The following SNAP91 variants were observed in gnomAD, a reference collection of about 807,000 sequenced individuals.
SNAP91 encodes synaptosome associated protein 91.
In SNAP91, 27 loss-of-function variants were observed where a neutral mutation model predicts 100.3. The ratio of observed to expected loss-of-function variants is 0.27; its 90% CI spans 0.20 to 0.37. The LOEUF (loss-of-function observed/expected upper bound fraction) is 0.37. Ranked by LOEUF, SNAP91 falls within the 10% of genes least tolerant of loss-of-function variation. The probability of loss-of-function intolerance (pLI) is 1.00; values close to 1 mark genes in which losing one functional copy is unlikely to be tolerated. For missense variants in SNAP91, 986 were observed against 1,123.7 expected (o/e 0.88, Z 1.75); for synonymous variants, 404 against 398.6 (o/e 1.01, Z -0.16).
intron 11 of SNAP91, among the ~76,000 whole-genome samples, chr6:83,611,284 G>T (rs1243464111): frequency 3.9e-5 from 6 of 152,050 alleles, no homozygotes; most frequent in African/African-American, 1.2e-4. Context: ...TAATTAGTGG[G>T]AGCTAGGAAA....
chr6:83,594,333 G>C lies in SNAP91; in HGVS notation c.1432+41C>G, dbSNP rs369782392. ...TTCTAACTACGGGGGTTTTACATTA[G>C]GACAGAAGAATAACAGACTGGCTAA... On this transcript the variant is annotated intron_variant, in intron 17 of 29. Coordinates refer to ENST00000369694, the MANE Select transcript of SNAP91 (RefSeq NM_001242792.2). The C allele has an allele frequency of 3.0e-5, 44 of 1,469,002 alleles. No homozygotes were observed. In the African/African-American group the frequency reaches 5.7e-4, roughly 19 times the overall value. 91.0% of individuals were successfully genotyped at this position (1,469,002 alleles called of 1,614,324 possible).
intron 2 of SNAP91, among the ~76,000 whole-genome samples, chr6:83,666,199 T>C (rs898855342): frequency 2.6e-5 from 4 of 152,110 alleles, no homozygotes; most frequent in African/African-American, 9.7e-5. Flanking sequence ...ACCTTTATAA[T>C]ACATTCACTG....
At chr6:83,645,447 T>C (rs113863851) in intron 7 of SNAP91, among the ~76,000 whole-genome samples, 190 of 152,106 alleles carry the variant, frequency 1.2e-3, no homozygotes, top group Non-Finnish European at 2.2e-3. Flanking sequence ...CCCAAGTCCA[T>C]AGCATACATT....
intron 22 of SNAP91, among the ~76,000 whole-genome samples, chr6:83,586,512 T>C (rs1473817656): frequency 6.6e-6 from 1 of 152,188 alleles, no homozygotes; most frequent in East Asian, 1.9e-4. Flanking sequence ...ACCTCAGATG[T>C]TAGGCATATT....
chr6:83,576,977 C>T (rs539530538), intron 24 of SNAP91, among the ~76,000 whole-genome samples: 6 of 152,218 alleles, frequency 3.9e-5, no homozygotes, highest in African/African-American at 1.4e-4. Flanking sequence ...TGGTGTCAGA[C>T]AGATGACAAA....
intron 8 of SNAP91, among the ~76,000 whole-genome samples, chr6:83,630,741 G>C (rs984306564): frequency 1.3e-5 from 2 of 150,114 alleles, no homozygotes; most frequent in Non-Finnish European, 3.0e-5. Context: ...TTCCTTTCTT[G>C]GTTAGTCTTG....
At chr6:83,645,145 G>A (rs952614894) in intron 7 of SNAP91, among the ~76,000 whole-genome samples, 6 of 152,092 alleles carry the variant, frequency 3.9e-5, no homozygotes, top group Non-Finnish European at 7.4e-5. Context: ...AGATATTCTT[G>A]AGGAAAGTCC....
rs545115005 is a variant in SNAP91, at chr6:83,689,065, C to A, written c.130+18733G>T. On this transcript the variant is annotated intron_variant, in intron 2 of 29. Coordinates refer to ENST00000369694, the MANE Select transcript of SNAP91 (RefSeq NM_001242792.2). The stretch of plus-strand genomic sequence containing the variant: ...CTTAGAAGTAGCAAGGGTGTCTATG[C>A]TCTAAGATCTTTCGCCATCAGGTGT... Among the ~76,000 whole-genome samples, 17 of 152,278 alleles carry A rather than the reference C, an allele frequency of 1.1e-4. No homozygotes were observed. In the South Asian group the frequency reaches 1.9e-3, roughly 17 times the overall value.
chr6:83,660,216 C>A (rs1386021869), intron 5 of SNAP91, among the ~76,000 whole-genome samples: 1 of 152,118 alleles, frequency 6.6e-6, no homozygotes, highest in Non-Finnish European at 1.5e-5. Flanking sequence ...CAGCTGGGAA[C>A]ATCAGCAATG....
intron 26 of SNAP91, among the ~76,000 whole-genome samples, chr6:83,563,975 C>CT (rs1010166884): frequency 2.6e-5 from 4 of 151,788 alleles, no homozygotes; most frequent in East Asian, 1.9e-4. Context: ...ATTTCAACCA[C>CT]TTTTTTTTGG....
In SNAP91 at chr6:83,619,631, T is replaced by C. The variant is rs138898873; in HGVS notation, c.808-2592A>G. ...CAACATATGGTTACCGATTCATCAG[T>C]TGTATGGTCTTTAAAAGGAGACCCT... On this transcript the variant is annotated intron_variant, in intron 9 of 29. Transcript: ENST00000369694. 2.7e-4 allele frequency among the ~76,000 whole-genome samples: 41 copies of C among 152,374 alleles called. No individual in the cohort carries two copies. In the East Asian group the frequency reaches 6.6e-3, roughly 24 times the overall value.
At chr6:83,621,748 A>T (rs1445445066) in intron 9 of SNAP91, among the ~76,000 whole-genome samples, 1 of 152,130 alleles carries the variant, frequency 6.6e-6, no homozygotes, top group African/African-American at 2.4e-5. Context: ...TAAGTATGAT[A>T]GATGAGGACC....
chr6:83,604,673 G>A (rs1030723945), intron 14 of SNAP91, among the ~76,000 whole-genome samples: 4 of 152,240 alleles, frequency 2.6e-5, no homozygotes, highest in East Asian at 1.9e-4. Flanking sequence ...ATGTTATGTT[G>A]TTACAGATCT....
At chr6:83,621,942 T>C (rs889857520) in intron 9 of SNAP91, among the ~76,000 whole-genome samples, 4 of 152,120 alleles carry the variant, frequency 2.6e-5, no homozygotes, top group Admixed American at 1.3e-4. Context: ...TAAAATGTAC[T>C]ATAAATTTTA....
Position 83,659,100 on chromosome 6 carries a change from T to TAAA in SNAP91, c.453-11_453-9dup. 3.5e-6 allele frequency: 5 copies of TAAA among 1,424,808 alleles called. No individual in the cohort carries two copies. Among genetic ancestry groups the TAAA allele is most frequent in the Non-Finnish European group, 4.7e-6 (5 of 1,060,488 alleles). 88.3% of individuals were successfully genotyped at this position (1,424,808 alleles called of 1,614,324 possible). ...CTCATTACACCATCGGCCCTACAATTAAAAAAAAAAAAAAGGTACAATTTC... is the reference window on the plus strand; with the variant it reads ...CTCATTACACCATCGGCCCTACAATTAAAAAAAAAAAAAAAAAGGTACAATTTC... On this transcript the variant is annotated splice_polypyrimidine_tract_variant and intron_variant, in intron 5 of 29. Coordinates refer to ENST00000369694, the MANE Select transcript of SNAP91 (RefSeq NM_001242792.2).
intron 8 of SNAP91, among the ~76,000 whole-genome samples, chr6:83,627,766 G>A (rs562843267): frequency 1.3e-5 from 2 of 151,700 alleles, no homozygotes; most frequent in South Asian, 2.1e-4. Context: ...GCTAGTGGTC[G>A]ATCAATCTTG....
intron 22 of SNAP91, 39 bp from the exon 23 acceptor site, chr6:83,582,395 A>G: frequency 6.3e-7 from 1 of 1,580,458 alleles, no homozygotes; most frequent in Non-Finnish European, 8.6e-7. Context: ...GAAATAACAT[A>G]AAGGTGGGTA....
At chr6:83,652,018 C>T (rs183988880) in intron 7 of SNAP91, among the ~76,000 whole-genome samples, 28 of 152,268 alleles carry the variant, frequency 1.8e-4, no homozygotes, top group Admixed American at 3.9e-4. Context: ...TATAACTACT[C>T]TTGCTTTATT....
chr6:83,569,865 T>G (rs1457008331), intron 26 of SNAP91, among the ~76,000 whole-genome samples: 1 of 152,182 alleles, frequency 6.6e-6, no homozygotes, highest in Non-Finnish European at 1.5e-5. Flanking sequence ...TCTTCCACCA[T>G]GATTGTGAGG....
Sources: gnomAD v4.1 joint callset for allele counts (sites outside exome capture counted in the v4.1 genomes callset) on GRCh38, gnomAD v4.1.1 for gene constraint, MANE v1.5 for transcripts, NCBI Gene and HGNC (gene_info 2026-07-23, HGNC 2026-07-21) for gene names.